Variants in DNAJC13 observed in about 807,000 individuals in gnomAD.
DNAJC13 encodes the protein DnaJ heat shock protein family (Hsp40) member C13, also known as dnaJ homolog subfamily C member 13.
DNAJC13 carries 75 observed loss-of-function variants against 290.5 expected under a neutral mutation model. The observed-to-expected ratio is 0.26, with a 90% confidence interval of 0.21 to 0.31. The LOEUF (loss-of-function observed/expected upper bound fraction) is 0.31. Ranked by LOEUF, DNAJC13 falls within the 10% of genes least tolerant of loss-of-function variation. The pLI is 1.00. For missense variants in DNAJC13, 2,260 were observed against 2,674.5 expected, an observed-to-expected ratio of 0.85 and a Z score of 3.42; for synonymous variants, 862 against 892.0, an observed-to-expected ratio of 0.97 and a Z score of 0.60.
Position 132,467,217 on chromosome 3 carries a change from T to C in DNAJC13, c.2112T>C (p.Ala704=). The C allele has an allele frequency of 6.2e-7, 1 of 1,613,872 alleles. No individual in the cohort carries two copies. The highest frequency in any genetic ancestry group is 8.5e-7 in the Non-Finnish European group (1 of 1,179,892). ...AAGTTCCAGAGTGGCAAAGACTAGC[T>C]GGAAAAGCTGCTAAAGAAGTTGAAA... ...FNKVPEWQRL[A]GKAAKEVEKF... is the part of the protein sequence containing the mutation. Residue 704 remains alanine, a synonymous_variant, in exon 20 of 56, where the codon GCT becomes GCC. Coordinates refer to ENST00000260818, the MANE Select transcript of DNAJC13 (RefSeq NM_015268.4).
chr3:132,478,758 ATT>A (rs1212371208), intron 24 of DNAJC13, among the ~76,000 whole-genome samples: 1 of 152,094 alleles, frequency 6.6e-6, no homozygotes, highest in Non-Finnish European at 1.5e-5. Context: ...CTCAAAAAAA[ATT>A]TTTTTATTTT....
At chr3:132,433,702 T>C (rs904678284) in intron 1 of DNAJC13, among the ~76,000 whole-genome samples, 2 of 152,214 alleles carry the variant, frequency 1.3e-5, no homozygotes, top group African/African-American at 4.8e-5. Context: ...GGAAAATGTG[T>C]TTAGGTATCC....
At chr3:132,535,599 A>C (rs989127342) in intron 55 of DNAJC13, among the ~76,000 whole-genome samples, 2 of 152,244 alleles carry the variant, frequency 1.3e-5, no homozygotes, top group Non-Finnish European at 2.9e-5. Context: ...ACAACAGGAA[A>C]AGGAACAGAG....
At chr3:132,480,294 G>A in intron 25 of DNAJC13, 75 bp from the exon 26 acceptor site, 1 of 928,464 alleles carries the variant, frequency 1.1e-6, no homozygotes, top group South Asian at 1.5e-5. Context: ...GTACCTATTG[G>A]GAAAGGTACT....
chr3:132,488,956 T>C lies in DNAJC13; in HGVS notation c.3423-20T>C, dbSNP rs1472112340. 2 of 1,576,030 alleles carry C rather than the reference T, an allele frequency of 1.3e-6. No individual in the cohort carries two copies. Among genetic ancestry groups the C allele is most frequent in the South Asian group, 1.1e-5 (1 of 89,904 alleles). On this transcript the variant is annotated intron_variant, in intron 30 of 55. Coordinates refer to ENST00000260818, the MANE Select transcript of DNAJC13 (RefSeq NM_015268.4). ...TAAATCGGTTTCTATATCTGATAGATAATTCATTTTTCTTTCTAGATTTTT... is the reference window on the plus strand; with the variant it reads ...TAAATCGGTTTCTATATCTGATAGACAATTCATTTTTCTTTCTAGATTTTT...
chr3:132,526,054 T>C, intron 52 of DNAJC13, 87 bp from the exon 53 acceptor site: 1 of 1,500,476 alleles, frequency 6.7e-7, no homozygotes, highest in Non-Finnish European at 8.9e-7. Context: ...GATTCTTTTT[T>C]TACTTATTTA....
At chr3:132,538,132 T>C (rs1936652853) in intron 55 of DNAJC13, 44 bp from the exon 56 acceptor site, 2 of 1,538,694 alleles carry the variant, frequency 1.3e-6, no homozygotes, top group South Asian at 2.3e-5. Flanking sequence ...ATGTTTTCAC[T>C]TGACTGCTTT....
chr3:132,437,736 T>G (rs1308281713), intron 2 of DNAJC13, among the ~76,000 whole-genome samples: 1 of 152,228 alleles, frequency 6.6e-6, no homozygotes, highest in Non-Finnish European at 1.5e-5. Context: ...TTTTGAAACT[T>G]AGAAATACGA....
chr3:132,443,498 AT>A, intron 2 of DNAJC13, among the ~76,000 whole-genome samples: 2 of 152,332 alleles, frequency 1.3e-5, no homozygotes, highest in South Asian at 4.1e-4. Flanking sequence ...TATTCTATAC[AT>A]GCGAGACATT....
At chr3:132,440,340 C>T (rs1331065699) in intron 2 of DNAJC13, among the ~76,000 whole-genome samples, 1 of 152,196 alleles carries the variant, frequency 6.6e-6, no homozygotes, top group Non-Finnish European at 1.5e-5. Context: ...TTGGGATTCC[C>T]CACTCTCCGT....
In DNAJC13 at chr3:132,525,657, C is replaced by T. The variant is rs1292315204; in HGVS notation, c.6108C>T (p.Ser2036=). The part of the protein sequence containing the change: ...TLTMATVCLF[S]AQPQLADQVP... ...CAATGGCAACAGTGTGTCTCTTCAGCGCACAACCTCAGCTGGCAGATCAGG... is the reference window on the plus strand; with the variant it reads ...CAATGGCAACAGTGTGTCTCTTCAGTGCACAACCTCAGCTGGCAGATCAGG... The change falls in exon 52 of 56, where the codon AGC becomes AGT. Residue 2036 remains serine (S), a synonymous_variant. Coordinates refer to ENST00000260818, the MANE Select transcript of DNAJC13 (RefSeq NM_015268.4). 9.9e-6 allele frequency: 16 copies of T among 1,614,032 alleles called. No individual in the cohort carries two copies. The highest frequency in any genetic ancestry group is 2.2e-5 in the South Asian group (2 of 91,082).
chr3:132,482,281 A>AT lies in DNAJC13; in HGVS notation c.2934dup (p.Gly979TrpfsTer15). ...AAAAGAGAGAGTGAAAAGGAATGGT[A>AT]TTTTGGCAACGCAGACAAAGAAAGG... is the stretch of plus-strand genomic sequence containing the variant. On this transcript the variant is annotated frameshift_variant, in exon 27 of 56. Coordinates refer to ENST00000260818, the MANE Select transcript of DNAJC13 (RefSeq NM_015268.4). LOFTEE classifies it high-confidence loss of function. 6.2e-7 allele frequency: 1 copy of AT among 1,613,858 alleles called. No individual in the cohort carries two copies. The highest frequency in any genetic ancestry group is 8.5e-7 in the Non-Finnish European group (1 of 1,179,822).
At chr3:132,527,349 A>G (rs979674603) in intron 53 of DNAJC13, among the ~76,000 whole-genome samples, 1 of 152,220 alleles carries the variant, frequency 6.6e-6, no homozygotes, top group African/African-American at 2.4e-5. Flanking sequence ...AAGGCCCTGC[A>G]TCTTTATTAT....
chr3:132,532,166 C>T (rs1014542593), intron 55 of DNAJC13, among the ~76,000 whole-genome samples: 1 of 152,168 alleles, frequency 6.6e-6, no homozygotes, highest in Non-Finnish European at 1.5e-5. Flanking sequence ...GCATTCTCTC[C>T]TAACCAAAGA....
In DNAJC13 at chr3:132,446,559, G is replaced by A. The variant is rs1933249480; in HGVS notation, c.144+9G>A. On this transcript the variant is annotated intron_variant, in intron 3 of 55. Transcript: ENST00000260818. ...TAGAAGTAACAAATCAGGTAATCCT[G>A]TTAGAAGCTGTTAGGTGTTTGTATG... 1 of 1,578,916 alleles carries A rather than the reference G, an allele frequency of 6.3e-7. No individual in the cohort carries two copies. Among genetic ancestry groups the A allele is most frequent in the African/African-American group, 1.4e-5 (1 of 73,308 alleles).
chr3:132,510,953 T>C (rs1413192435), intron 43 of DNAJC13, 114 bp from the exon 44 acceptor site: 2 of 1,123,184 alleles, frequency 1.8e-6, no homozygotes, highest in Non-Finnish European at 2.6e-6. Context: ...TATTCATGTG[T>C]ATGTATAATT....
chr3:132,517,687 C>G (rs1217873442), intron 48 of DNAJC13, among the ~76,000 whole-genome samples: 2 of 152,084 alleles, frequency 1.3e-5, no homozygotes, highest in African/African-American at 4.8e-5. Context: ...AAGGAGGAGG[C>G]TAAGATCCCC....
chr3:132,450,940 C>T lies in DNAJC13; in HGVS notation c.537+93C>T, dbSNP rs993691838. 26 of 694,140 alleles carry T rather than the reference C, an allele frequency of 3.7e-5. No homozygotes were observed. The African/African-American group carries it at 3.8e-4, about 10-fold the overall frequency. 43.0% of individuals were successfully genotyped at this position (694,140 alleles called of 1,614,324 possible). ...TTTTATACTTCATTTTGAAATTTCA[C>T]GTGAGTCCTCTGGAAGGAAGTATAA... On this transcript the variant is annotated intron_variant, in intron 6 of 55. Coordinates refer to ENST00000260818, the MANE Select transcript of DNAJC13 (RefSeq NM_015268.4).
Position 132,482,317 on chromosome 3 carries a change from A to G in DNAJC13, c.2966A>G (p.Tyr989Cys), listed in dbSNP as rs1934705168. The change falls in exon 27 of 56, where the codon TAT (tyrosine) becomes TGT (cysteine). Residue 989 changes from tyrosine (Y) to cysteine (C), a missense_variant. Transcript: ENST00000260818. ...GCAGACAAAGAAAGGAGTGGCCCGT[A>G]TGGATTTCATGAGGTATGTATCTTG... is the stretch of plus-strand genomic sequence containing the variant. ...GNADKERSGP[Y>C]GFHEMQELWT... The G allele has an allele frequency of 3.7e-6, 6 of 1,613,258 alleles. No individual in the cohort carries two copies. The highest frequency in any genetic ancestry group is 5.1e-6 in the Non-Finnish European group (6 of 1,179,496).
Sources: gnomAD v4.1 joint callset for allele counts (sites outside exome capture counted in the v4.1 genomes callset) on GRCh38, gnomAD v4.1.1 for gene constraint, MANE v1.5 for transcripts, NCBI Gene and HGNC (gene_info 2026-07-23, HGNC 2026-07-21) for gene names.